The following EHMT1 variants were observed in gnomAD, a reference collection of about 807,000 sequenced individuals.
The protein encoded by EHMT1 is euchromatic histone lysine methyltransferase 1.
A neutral mutation model predicts 147.2 loss-of-function variants in EHMT1; 15 were observed. The ratio of observed to expected loss-of-function variants is 0.10; its 90% CI spans 0.07 to 0.16. The LOEUF is 0.16. Ranked by LOEUF, EHMT1 falls within the 10% of genes least tolerant of loss-of-function variation. EHMT1 has a pLI of 1.00. For missense variants in EHMT1, 1,587 were observed against 1,772.4 expected, an observed-to-expected ratio of 0.90 and a Z score of 1.88; for synonymous variants, 795 against 709.6, an observed-to-expected ratio of 1.12 and a Z score of -1.91.
chr9:137,817,740 A>AGAAGGCGTGGTCCAGTTAG (rs374930722), intron 24 of EHMT1: 34 of 659,016 alleles, frequency 5.2e-5, no homozygotes, highest in African/African-American at 1.3e-4. Flanking sequence ...AGTGCATTTA[A>AGAAGGCGTGGTCCAGTTAG]GAAGGCGTGG....
rs545890402 is a variant in EHMT1 at position 137,775,651 on chromosome 9, C to A, written c.1791+399C>A. 6.6e-6 allele frequency among the ~76,000 whole-genome samples: 1 copy of A among 152,020 alleles called. No homozygotes were observed. The highest frequency in any genetic ancestry group is 2.0e-4 in the East Asian group (1 of 5,102). ...AGGCTGTACTGAGGACGTTCATCCC[C>A]CATGACAAGGGTGTACTGAGGACAT... On this transcript the variant is annotated intron_variant, in intron 11 of 26. Transcript: ENST00000460843. This position sits in a 1 kb window ranked among gnomAD's most constrained non-coding sequence, Gnocchi z 6.1.
rs915083813 is a variant in EHMT1 at position 137,758,116 on chromosome 9, G to A, written c.1501+105G>A. ...TGCCCCTTGGTGGACACTAGTAGAA[G>A]ATCGGGTTAACTGCATCACTTCCAG... is the stretch of plus-strand genomic sequence containing the variant. On this transcript the variant is annotated intron_variant, in intron 9 of 26. Transcript: ENST00000460843. The A allele has an allele frequency of 2.2e-5, 33 of 1,499,640 alleles. No homozygotes were observed. The African/African-American group carries it at 2.6e-4, about 12-fold the overall frequency. The allele number at this position is 1,499,640 out of a possible 1,614,324, so 92.9% of individuals were successfully genotyped here. A position where few individuals can be genotyped will look rare whatever the true frequency, so the allele number is the denominator to read the frequency against.
rs533480688 is a variant in EHMT1 at position 137,824,990 on chromosome 9, G to A, written c.3540+6852G>A. Among the ~76,000 whole-genome samples, 6 of 152,222 alleles carry A rather than the reference G, an allele frequency of 3.9e-5. No homozygotes were observed. The South Asian group carries it at 8.3e-4, about 21-fold the overall frequency. On this transcript the variant is annotated intron_variant, in intron 25 of 26. Coordinates refer to ENST00000460843, the MANE Select transcript of EHMT1 (RefSeq NM_024757.5). ...CGGGCATAATGCTTGTTCTCTTCCCGGCACTGGGGGAAGAGGTGTCCTTAC... is the reference window on the plus strand; with the variant it reads ...CGGGCATAATGCTTGTTCTCTTCCCAGCACTGGGGGAAGAGGTGTCCTTAC...
chr9:137,718,613 CTCTG>C (rs907898451), intron 3 of EHMT1, among the ~76,000 whole-genome samples: 17 of 152,128 alleles, frequency 1.1e-4, no homozygotes, highest in African/African-American at 3.6e-4. Context: ...CTGGGCAGTT[CTCTG>C]TCTGTTTCCA....
chr9:137,831,513 A>C (rs1418828480), intron 25 of EHMT1, among the ~76,000 whole-genome samples: 1 of 152,376 alleles, frequency 6.6e-6, no homozygotes, highest in Middle Eastern at 3.4e-3. Flanking sequence ...TCATCCACCC[A>C]GTGATGGCTT....
At chr9:137,736,743 T>C (rs1311431536) in intron 4 of EHMT1, among the ~76,000 whole-genome samples, 1 of 151,958 alleles carries the variant, frequency 6.6e-6, no homozygotes, top group Non-Finnish European at 1.5e-5. Flanking sequence ...ATACAAAAAT[T>C]AGCTGGGCGT....
rs1956546253 is a variant in EHMT1 at position 137,835,957 on chromosome 9, C to T, written c.*1004C>T. On this transcript the variant is annotated 3_prime_UTR_variant, in exon 27 of 27. Transcript: ENST00000460843. ...ACCTTTTTAAAGACTGTAATTAGTG[C>T]AGTAACAGTGGGGTTTTTTTTGTGC... is the stretch of plus-strand genomic sequence containing the variant. 1 of 152,510 alleles carries T rather than the reference C, an allele frequency of 6.6e-6. No individual in the cohort carries two copies. The highest frequency in any genetic ancestry group is 6.6e-5 in the Admixed American group (1 of 15,262). 9.4% of individuals were successfully genotyped at this position (152,510 alleles called of 1,614,324 possible).
chr9:137,815,881 G>T, intron 22 of EHMT1, 66 bp from the exon 23 acceptor site: 5 of 1,347,704 alleles, frequency 3.7e-6, no homozygotes, highest in Non-Finnish European at 5.2e-6. Context: ...GTAGAAATGG[G>T]TTGATGTCAG....
chr9:137,681,999 T>G (rs1412297498), intron 1 of EHMT1, among the ~76,000 whole-genome samples: 1 of 152,078 alleles, frequency 6.6e-6, no homozygotes, highest in African/African-American at 2.4e-5. Context: ...CGCCCAGGCT[T>G]GAGTGCAGTG....
intron 2 of EHMT1, among the ~76,000 whole-genome samples, chr9:137,713,370 C>T (rs564440044): frequency 4.5e-4 from 68 of 150,016 alleles, no homozygotes; most frequent in Admixed American, 6.0e-4. Flanking sequence ...CCCGGGTTCA[C>T]GCCATTCTTC....
chr9:137,756,166 C>T (rs879652575), intron 8 of EHMT1, among the ~76,000 whole-genome samples: 2 of 152,230 alleles, frequency 1.3e-5, no homozygotes, highest in Admixed American at 1.3e-4. Context: ...TTCTTGGCAT[C>T]TGCAGGCTCC....
intron 1 of EHMT1, among the ~76,000 whole-genome samples, chr9:137,675,779 A>ATTTTTT (rs781380107): frequency 1.0e-5 from 1 of 95,780 alleles, no homozygotes; most frequent in African/African-American, 4.7e-5. Context: ...CGCCCGGCTA[A>ATTTTTT]TTTTTTTTTT....
chr9:137,717,546 C>T (rs1357652595), intron 3 of EHMT1, among the ~76,000 whole-genome samples: 1 of 145,420 alleles, frequency 6.9e-6, no homozygotes, highest in Non-Finnish European at 1.5e-5. Flanking sequence ...GTGGAGACTG[C>T]AGTGAGCCCG....
chr9:137,835,233 C>T lies in EHMT1; in HGVS notation c.*280C>T, dbSNP rs1019682796. 5.8e-6 allele frequency: 2 copies of T among 342,508 alleles called. No individual in the cohort carries two copies. Among genetic ancestry groups the T allele is most frequent in the Non-Finnish European group, 5.2e-6 (1 of 191,892 alleles). The allele number at this position is 342,508 out of a possible 1,614,324, so 21.2% of individuals were successfully genotyped here. A position where few individuals can be genotyped will look rare whatever the true frequency, so the allele number is the denominator to read the frequency against. The stretch of plus-strand genomic sequence containing the variant: ...ACGCTGGGAGTCCGCACTGGCATCA[C>T]CTTCTGAGTTTCTGATGCTGATTTG... On this transcript the variant is annotated 3_prime_UTR_variant, in exon 27 of 27. Coordinates refer to ENST00000460843, the MANE Select transcript of EHMT1 (RefSeq NM_024757.5).
intron 1 of EHMT1, chr9:137,666,155 A>G (rs1939623430): frequency 6.6e-6 from 1 of 152,230 alleles, no homozygotes; most frequent in Non-Finnish European, 1.5e-5. Flanking sequence ...TGGTGGGGAC[A>G]CCTCCTTGTC....
chr9:137,763,183 CT>C (rs78874825), intron 10 of EHMT1: 68 of 406,952 alleles, frequency 1.7e-4, no homozygotes, highest in Non-Finnish European at 1.4e-4. Context: ...CTGCCCAGAA[CT>C]GTGGTTTCCT....
chr9:137,736,886 G>T (rs893856619), intron 4 of EHMT1, among the ~76,000 whole-genome samples: 3 of 146,294 alleles, frequency 2.1e-5, no homozygotes, highest in African/African-American at 8.3e-5. Flanking sequence ...GTGAGCCTGT[G>T]TCTCAAAAAA....
intron 1 of EHMT1, among the ~76,000 whole-genome samples, chr9:137,684,775 G>A (rs1361898972): frequency 6.6e-6 from 1 of 152,190 alleles, no homozygotes; most frequent in Non-Finnish European, 1.5e-5. Context: ...GTAGGCATGA[G>A]CCACCATACC....
At position 137,775,643 on chromosome 9, in the gene EHMT1, T is replaced by C. The variant is rs113381865; in HGVS notation, c.1791+391T>C. On this transcript the variant is annotated intron_variant, in intron 11 of 26. Transcript: ENST00000460843. The surrounding 1 kb of genome is among the most constrained non-coding windows in gnomAD (Gnocchi z 6.1). ...CCAGGTGGAGGCTGTACTGAGGACG[T>C]TCATCCCCCATGACAAGGGTGTACT... Among the ~76,000 whole-genome samples, 15 of 151,932 alleles carry C rather than the reference T, an allele frequency of 9.9e-5. No individual in the cohort carries two copies. The highest frequency in any genetic ancestry group is 2.7e-4 in the African/African-American group (11 of 41,488).
Sources: gnomAD v4.1 joint callset for allele counts (sites outside exome capture counted in the v4.1 genomes callset) on GRCh38, gnomAD v4.1.1 for gene constraint, Gnocchi (gnomAD v3.1) non-coding constraint, MANE v1.5 for transcripts, NCBI Gene and HGNC (gene_info 2026-07-23, HGNC 2026-07-21) for gene names.